Variants in FAM221A observed in about 807,000 individuals in gnomAD.
The protein encoded by FAM221A is family with sequence similarity 221 member A.
A neutral mutation model predicts 37.6 loss-of-function variants in FAM221A; 43 were observed. The observed-to-expected ratio is 1.15, with a 90% CI of 0.90 to 1.48. The LOEUF (loss-of-function observed/expected upper bound fraction) is 1.48, where lower values mean the gene tolerates loss of function less well. Among genes scored for constraint, FAM221A ranks in the 40% most tolerant of loss-of-function variants. The pLI, the probability that FAM221A is intolerant of heterozygous loss-of-function variation, is 0.00. For missense variants in FAM221A, 361 were observed against 361.5 expected (o/e 1.00, Z 0.01); for synonymous variants, 135 against 132.9 (o/e 1.02, Z -0.11).
At chr7:23,682,324 C>T (rs1376470737) in intron 1 of FAM221A, among the ~76,000 whole-genome samples, 1 of 151,168 alleles carries the variant, frequency 6.6e-6, no homozygotes, top group Admixed American at 6.6e-5. Flanking sequence ...CCTCAGCCTC[C>T]CAAAGTGCTG....
At position 23,691,553 on chromosome 7, in the gene FAM221A, C is replaced by T. The variant is rs148660873; in HGVS notation, c.594C>T (p.Ser198=). 8,946 of 1,614,156 alleles carry T rather than the reference C, an allele frequency of 5.5e-3. 37 individuals are homozygous for T. Among genetic ancestry groups the T allele is most frequent in the Non-Finnish European group, 6.7e-3 (7,911 of 1,180,002 alleles). The change falls in exon 4 of 7, where the codon AGC becomes AGT. Residue 198 remains serine, a synonymous_variant. Coordinates refer to ENST00000344962, the MANE Select transcript of FAM221A (RefSeq NM_199136.5). ...CCATGGGAGGATTAACTGGTTTCAG[C>T]TCGCTGGCGGAAGGCTACATGCGGT... ...YAAMGGLTGF[S]SLAEGYMRLD... is the part of the protein sequence containing the mutation.
At chr7:23,680,953 G>A (rs184615836) in intron 1 of FAM221A, among the ~76,000 whole-genome samples, 49 of 152,284 alleles carry the variant, frequency 3.2e-4, no homozygotes, top group African/African-American at 1.1e-3. Context: ...GTGTACAAGC[G>A]GAGGGGAGAC....
chr7:23,699,260 G>A (rs1036652165), intron 5 of FAM221A, among the ~76,000 whole-genome samples: 19 of 150,576 alleles, frequency 1.3e-4, no homozygotes, highest in African/African-American at 4.4e-4. Flanking sequence ...TAGGAGTACA[G>A]GTGTGCCCCC....
chr7:23,692,031 G>A (rs997152621), intron 4 of FAM221A, among the ~76,000 whole-genome samples: 6 of 152,164 alleles, frequency 3.9e-5, no homozygotes, highest in Admixed American at 6.5e-5. Context: ...TTATGTTCAT[G>A]TGTGTATATG....
intron 4 of FAM221A, among the ~76,000 whole-genome samples, chr7:23,695,394 C>CT (rs1341297525): frequency 6.6e-6 from 1 of 152,036 alleles, no homozygotes; most frequent in African/African-American, 2.4e-5. Flanking sequence ...AGGTATTTAA[C>CT]TTTTTTTGAG....
In FAM221A at chr7:23,689,376, T is replaced by G. The variant is rs1230266784; in HGVS notation, c.347T>G (p.Leu116Trp). 1.2e-6 allele frequency: 2 copies of G among 1,608,556 alleles called. No individual in the cohort carries two copies. The highest frequency in any genetic ancestry group is 8.5e-7 in the Non-Finnish European group (1 of 1,175,876). The change falls in exon 3 of 7, where the codon TTG (leucine) becomes TGG (tryptophan). Residue 116 changes from leucine to tryptophan, a missense_variant. By Grantham distance (61) the Leu-to-Trp change is moderately conservative (BLOSUM62 -2). Transcript: ENST00000344962. ...CQCRAYLYVP[L>W]NGSQPIRCRC... ...TGCAGGGCTTACCTTTATGTCCCCTTGAATGGTAGCCAGCCCATTCGCTGC... is the reference window on the plus strand; with the variant it reads ...TGCAGGGCTTACCTTTATGTCCCCTGGAATGGTAGCCAGCCCATTCGCTGC...
At chr7:23,683,488 A>T (rs745760026) in intron 1 of FAM221A, among the ~76,000 whole-genome samples, 11 of 152,208 alleles carry the variant, frequency 7.2e-5, no homozygotes, top group Non-Finnish European at 1.0e-4. Context: ...CTCTTTTGGG[A>T]TACATTTTCA....
chr7:23,695,178 T>C lies in FAM221A; in HGVS notation c.638-3014T>C, dbSNP rs576619722. Among the ~76,000 whole-genome samples the C allele has an allele frequency of 1.1e-4, 17 of 152,076 alleles. No homozygotes were observed. In the South Asian group the frequency reaches 3.5e-3, roughly 32 times the overall value. ...TTTTTTTAGAGACAGAGTCTTACTA[T>C]GTTGCTCAGGTTGGTGTCAAACTCC... is the stretch of plus-strand genomic sequence containing the variant. On this transcript the variant is annotated intron_variant, in intron 4 of 6. Coordinates refer to ENST00000344962, the MANE Select transcript of FAM221A (RefSeq NM_199136.5).
At chr7:23,691,185 T>C (rs1162859921) in intron 3 of FAM221A, among the ~76,000 whole-genome samples, 1 of 150,688 alleles carries the variant, frequency 6.6e-6, no homozygotes, top group African/African-American at 2.5e-5. Context: ...GTTTTGCAGT[T>C]TTTTTTTTTT....
chr7:23,691,309 T>C, intron 3 of FAM221A, 81 bp from the exon 4 acceptor site: 2 of 1,359,614 alleles, frequency 1.5e-6, no homozygotes, highest in Non-Finnish European at 2.1e-6. Flanking sequence ...TAGGTTCAGC[T>C]GGCTTTTGCC....
At chr7:23,691,624 C>A (rs1419291251) in intron 4 of FAM221A, 28 bp downstream of exon 4, 1 of 1,587,838 alleles carries the variant, frequency 6.3e-7, no homozygotes, top group African/African-American at 1.3e-5. Flanking sequence ...AAATGTGAGC[C>A]CATTGTATTG....
chr7:23,702,111 G>T lies in FAM221A; in HGVS notation c.844G>T (p.Ala282Ser). The part of the protein sequence containing the change: ...RYQERMKMEK[A>S]AKWKGKAPLP... ...AAATTTACAGATGAAAATGGAAAAGGCTGCTAAGTGGAAAGGAAAAGCTCC... is the reference window on the plus strand; with the variant it reads ...AAATTTACAGATGAAAATGGAAAAGTCTGCTAAGTGGAAAGGAAAAGCTCC... The change falls in exon 7 of 7, where the codon GCT (alanine) becomes TCT (serine). Residue 282 changes from alanine to serine, a missense_variant. By Grantham distance (99) the Ala-to-Ser change is moderately conservative. Transcript: ENST00000344962. 1 of 1,599,230 alleles carries T rather than the reference G, an allele frequency of 6.3e-7. No individual in the cohort carries two copies. The highest frequency in any genetic ancestry group is 8.5e-7 in the Non-Finnish European group (1 of 1,172,090).
intron 1 of FAM221A, among the ~76,000 whole-genome samples, chr7:23,682,486 C>T (rs1007332010): frequency 6.7e-6 from 1 of 149,392 alleles, no homozygotes; most frequent in Non-Finnish European, 1.5e-5. Flanking sequence ...GGCTGGAGTG[C>T]AGTGGCGCTA....
chr7:23,691,793 T>G (rs1402259296), intron 4 of FAM221A, among the ~76,000 whole-genome samples, 197 bp downstream of exon 4: 1 of 152,216 alleles, frequency 6.6e-6, no homozygotes, highest in Non-Finnish European at 1.5e-5. Context: ...TTAGTATCCA[T>G]AAAAGAGGTT....
intron 6 of FAM221A, among the ~76,000 whole-genome samples, chr7:23,701,807 C>T (rs1266534007): frequency 6.6e-6 from 1 of 152,142 alleles, no homozygotes; most frequent in Admixed American, 6.5e-5. Context: ...TGTGCATAGG[C>T]TGGATGTAAG....
At chr7:23,699,011 G>T (rs1440133497) in intron 5 of FAM221A, among the ~76,000 whole-genome samples, 2 of 152,104 alleles carry the variant, frequency 1.3e-5, no homozygotes, top group Non-Finnish European at 2.9e-5. Context: ...GAGTTTAGTG[G>T]CAGCCAAGAC....
intron 4 of FAM221A, among the ~76,000 whole-genome samples, chr7:23,696,090 A>G (rs937096513): frequency 5.3e-5 from 8 of 152,218 alleles, no homozygotes; most frequent in Admixed American, 2.6e-4. Context: ...ACATAAACCT[A>G]GATGGTAGAG....
intron 4 of FAM221A, among the ~76,000 whole-genome samples, chr7:23,695,255 G>C (rs1275742908): frequency 1.3e-5 from 2 of 152,176 alleles, no homozygotes; most frequent in Non-Finnish European, 2.9e-5. Flanking sequence ...GGGACTACAG[G>C]TGTGAGCCAC....
At chr7:23,699,749 C>T (rs1164693989) in intron 5 of FAM221A, among the ~76,000 whole-genome samples, 1 of 151,764 alleles carries the variant, frequency 6.6e-6, no homozygotes, top group Non-Finnish European at 1.5e-5. Flanking sequence ...GCCATGTTGC[C>T]CAGGCTGGTC....
Sources: gnomAD v4.1 joint callset for allele counts (sites outside exome capture counted in the v4.1 genomes callset) on GRCh38, gnomAD v4.1.1 for gene constraint, MANE v1.5 for transcripts, NCBI Gene and HGNC (gene_info 2026-07-23, HGNC 2026-07-21) for gene names.